The following CYP4F3 variants were observed in gnomAD, a reference collection of about 807,000 sequenced individuals.
CYP4F3 encodes cytochrome P450 4F3.
CYP4F3 carries 50 observed loss-of-function variants against 54.8 expected under a neutral mutation model. The ratio of observed to expected loss-of-function variants is 0.91; its 90% CI spans 0.73 to 1.16. CYP4F3 has a LOEUF of 1.16. CYP4F3 is among the 50% of genes most tolerant of loss of function. CYP4F3 has a pLI of 0.00. For synonymous variants in CYP4F3, 244 were observed against 262.6 expected (o/e 0.93, Z 0.69); for missense variants, 715 against 676.2 (o/e 1.06, Z -0.64).
At chr19:15,657,942 G>A (rs1208610597) in intron 9 of CYP4F3, among the ~76,000 whole-genome samples, 1 of 152,080 alleles carries the variant, frequency 6.6e-6, no homozygotes, top group Non-Finnish European at 1.5e-5. Flanking sequence ...ATGACGTTAA[G>A]TAGGTCCACA....
chr19:15,641,580 G>A lies in CYP4F3; in HGVS notation c.165G>A (p.Pro55=), dbSNP rs150573744. The A allele has an allele frequency of 7.9e-5, 127 of 1,614,042 alleles. No individual in the cohort carries two copies. In the African/African-American group the frequency reaches 8.9e-4, roughly 11 times the overall value. The part of the protein sequence containing the change: ...CCRLRCFPQP[P]KRNWFLGHLG... ...GCCTCCGGTGTTTCCCGCAACCCCC[G>A]AAACGGAATTGGTTCTTGGGTCACC... is the stretch of plus-strand genomic sequence containing the variant. Residue 55 remains proline, a synonymous_variant, in exon 2 of 13, where the codon CCG becomes CCA. Coordinates refer to ENST00000221307, the MANE Select transcript of CYP4F3 (RefSeq NM_000896.3).
At position 15,662,764 on chromosome 19, in the gene CYP4F3, T is replaced by C. The variant is rs1233878842; in HGVS notation, c.*3379T>C. On this transcript the variant is annotated 3_prime_UTR_variant, in exon 13 of 13. Coordinates refer to ENST00000221307, the MANE Select transcript of CYP4F3 (RefSeq NM_000896.3). Reference sequence around the variant, plus strand: ...ACAGTCTTGCACATATTTTGTTAAATGTACAGCTGAGAATTTAATTTTTTC... The same window carrying C: ...ACAGTCTTGCACATATTTTGTTAAACGTACAGCTGAGAATTTAATTTTTTC... 11 of 152,372 alleles carry C rather than the reference T, an allele frequency of 7.2e-5. No homozygotes were observed. Among genetic ancestry groups the C allele is most frequent in the Admixed American group, 6.5e-4 (10 of 15,306 alleles). The allele number at this position is 152,372 out of a possible 1,614,324, so 9.4% of individuals were successfully genotyped here.
Position 15,649,275 on chromosome 19 carries a change from G to A in CYP4F3, c.641G>A (p.Cys214Tyr), listed in dbSNP as rs1437604924. 6.2e-7 allele frequency: 1 copy of A among 1,613,064 alleles called. No individual in the cohort carries two copies. The highest frequency in any genetic ancestry group is 8.5e-7 in the Non-Finnish European group (1 of 1,179,314). Residue 214 changes from cysteine to tyrosine, a missense_variant, in exon 6 of 13, where the codon TGC becomes TAC. Physicochemically the swap from Cys to Tyr is radical, Grantham distance 194. Coordinates refer to ENST00000221307, the MANE Select transcript of CYP4F3 (RefSeq NM_000896.3). ...QKCVFSFDSHCQEKPSEYIAA... is the reference protein window; with the variant it reads ...QKCVFSFDSHYQEKPSEYIAA... Reference sequence around the variant, plus strand: ...TGTGTCTTCAGCTTTGACAGCCATTGCCAGGAGTAAGTTCTTGCCCAGGGT... The same window carrying A: ...TGTGTCTTCAGCTTTGACAGCCATTACCAGGAGTAAGTTCTTGCCCAGGGT...
chr19:15,650,692 C>CTTTCTTTCTTTCTTTCTTTCTTT (rs1568397646), intron 7 of CYP4F3, among the ~76,000 whole-genome samples: 2 of 55,192 alleles, frequency 3.6e-5, no homozygotes, highest in African/African-American at 1.6e-4. Context: ...TTCTTTCTTT[C>CTTTCTTTCTTTCTTTCTTTCTTT]TTTCTTTCTT....
chr19:15,662,312 A>G lies in CYP4F3; in HGVS notation c.*2927A>G, dbSNP rs1383222277. 4 of 151,132 alleles carry G rather than the reference A, an allele frequency of 2.6e-5. No homozygotes were observed. The highest frequency in any genetic ancestry group is 9.8e-5 in the African/African-American group (4 of 40,978). The allele number at this position is 151,132 out of a possible 1,614,324, so 9.4% of individuals were successfully genotyped here. A position where few individuals can be genotyped will look rare whatever the true frequency, so the allele number is the denominator to read the frequency against. ...AAAAAAGGAAAGAAAGAAAGAAAAGAAAAGAAAATCCTTTTTGCTTTAACT... is the reference window on the plus strand; with the variant it reads ...AAAAAAGGAAAGAAAGAAAGAAAAGGAAAGAAAATCCTTTTTGCTTTAACT... On this transcript the variant is annotated 3_prime_UTR_variant, in exon 13 of 13. Transcript: ENST00000221307.
chr19:15,658,684 C>G (rs746112714), intron 11 of CYP4F3, 43 bp from the exon 12 acceptor site: 1 of 1,612,112 alleles, frequency 6.2e-7, no homozygotes, highest in Non-Finnish European at 8.5e-7. Flanking sequence ...GGCTGGCGGA[C>G]TGGGAGACCC....
At chr19:15,652,682 T>G (rs1972892137) in intron 8 of CYP4F3, 47 bp downstream of exon 8, 3 of 1,613,874 alleles carry the variant, frequency 1.9e-6, no homozygotes, top group Non-Finnish European at 2.5e-6. Context: ...GATATCTCCA[T>G]TCCAGGAACA....
At chr19:15,656,780 C>CATCA (rs140145246) in intron 9 of CYP4F3, among the ~76,000 whole-genome samples, 84,104 of 150,382 alleles carry the variant, frequency 0.56, 24,059 homozygotes, top group East Asian at 0.81. Flanking sequence ...TCCATCCATC[C>CATCA]ATGATCTATC....
chr19:15,644,761 C>A (rs905744197), intron 2 of CYP4F3, among the ~76,000 whole-genome samples: 1 of 152,188 alleles, frequency 6.6e-6, no homozygotes, highest in Non-Finnish European at 1.5e-5. Flanking sequence ...AGTTTGGGGC[C>A]CTCTCCTTGA....
chr19:15,654,485 C>T (rs1298040237), intron 9 of CYP4F3, among the ~76,000 whole-genome samples: 1 of 152,222 alleles, frequency 6.6e-6, no homozygotes, highest in Non-Finnish European at 1.5e-5. Context: ...TTTCTCCTAT[C>T]AAAACTCAAA....
In CYP4F3 at chr19:15,647,225, A is replaced by C. The variant is rs751023122; in HGVS notation, c.426A>C (p.Glu142Asp). Residue 142 changes from glutamate (E) to aspartate (D), a missense_variant, in exon 5 of 13, where the codon GAA (glutamate) becomes GAC (aspartate). By Grantham distance (45) the Glu-to-Asp change is conservative. Transcript: ENST00000221307. ...LGDGLLLSAG[E>D]KWSRHRRMLT... Reference sequence around the variant, plus strand: ...ATGGGCTCCTGCTGAGTGCTGGTGAAAAGTGGAGCCGCCACCGTCGGATGC... The same window carrying C: ...ATGGGCTCCTGCTGAGTGCTGGTGACAAGTGGAGCCGCCACCGTCGGATGC... The C allele has an allele frequency of 2.3e-5, 37 of 1,614,096 alleles. No homozygotes were observed. The highest frequency in any genetic ancestry group is 3.3e-4 in the Middle Eastern group (2 of 6,084).
At chr19:15,658,992 G>C (rs1218282022) in intron 12 of CYP4F3, among the ~76,000 whole-genome samples, 183 bp downstream of exon 12, 1 of 151,544 alleles carries the variant, frequency 6.6e-6, no homozygotes, top group East Asian at 2.0e-4. Flanking sequence ...AGGATCCCTA[G>C]TGAGCTCAGA....
At chr19:15,658,232 T>C (rs780513014) in intron 9 of CYP4F3, 32 bp from the exon 10 acceptor site, 19 of 1,607,920 alleles carry the variant, frequency 1.2e-5, no homozygotes, top group Non-Finnish European at 1.6e-5. Context: ...TTTGCTCCCT[T>C]GATAAGGATT....
rs28371518 is a variant in CYP4F3 at position 15,660,792 on chromosome 19, C to T, written c.*1407C>T. 0.67 allele frequency: 100,575 copies of T among 150,316 alleles called. 34,291 individuals are homozygous for T. Among genetic ancestry groups the T allele is most frequent in the East Asian group, 0.82 (4,113 of 4,994 alleles). 9.3% of individuals were successfully genotyped at this position (150,316 alleles called of 1,614,324 possible). A position where few individuals can be genotyped will look rare whatever the true frequency, so the allele number is the denominator to read the frequency against. On this transcript the variant is annotated 3_prime_UTR_variant, in exon 13 of 13. Coordinates refer to ENST00000221307, the MANE Select transcript of CYP4F3 (RefSeq NM_000896.3). The stretch of plus-strand genomic sequence containing the variant: ...AGTGCAGTGGCATGATCTCAGTTCA[C>T]TGCAACCTCCGCCTCCTGCGTTCAA...
intron 9 of CYP4F3, among the ~76,000 whole-genome samples, chr19:15,654,082 CA>C (rs28371486): frequency 0.21 from 31,458 of 151,912 alleles, 3,562 homozygotes; most frequent in Middle Eastern, 0.27. Flanking sequence ...CAAGCCAGGC[CA>C]GGGGCTGGAG....
chr19:15,648,528 C>T (rs1376750658), intron 5 of CYP4F3, among the ~76,000 whole-genome samples: 1 of 152,042 alleles, frequency 6.6e-6, no homozygotes, highest in Non-Finnish European at 1.5e-5. Context: ...AAAGGGTGCT[C>T]AGGACTCATG....
intron 7 of CYP4F3, 121 bp from the exon 8 acceptor site, chr19:15,652,448 G>C: frequency 1.4e-6 from 2 of 1,463,646 alleles, no homozygotes; most frequent in Non-Finnish European, 1.9e-6. Context: ...AGCAAGATGG[G>C]CTTGGGTTTC....
At chr19:15,655,833 A>T (rs1336334420) in intron 9 of CYP4F3, among the ~76,000 whole-genome samples, 2 of 152,248 alleles carry the variant, frequency 1.3e-5, no homozygotes, top group African/African-American at 4.8e-5. Flanking sequence ...GAGGCACAGT[A>T]TGATGTTGTG....
chr19:15,648,386 C>A (rs1390180983), intron 5 of CYP4F3, among the ~76,000 whole-genome samples: 2 of 151,814 alleles, frequency 1.3e-5, no homozygotes. Flanking sequence ...GCTTAGGAAT[C>A]TGTTTTTATA....
Sources: gnomAD v4.1 joint callset for allele counts (sites outside exome capture counted in the v4.1 genomes callset) on GRCh38, gnomAD v4.1.1 for gene constraint, MANE v1.5 for transcripts, NCBI Gene and HGNC (gene_info 2026-07-23, HGNC 2026-07-21) for gene names.